Variants in COL5A2 observed in about 807,000 individuals in gnomAD.
The protein encoded by COL5A2 is collagen type V alpha 2 chain.
In COL5A2, 23 loss-of-function variants were observed where a neutral mutation model predicts 208.2. The ratio of observed to expected loss-of-function variants is 0.11; its 90% CI spans 0.08 to 0.16. The LOEUF (loss-of-function observed/expected upper bound fraction) is 0.16. COL5A2 is among the 10% of genes least tolerant of loss of function. The pLI, the probability that COL5A2 is intolerant of heterozygous loss-of-function variation, is 1.00. For missense variants in COL5A2, 1,590 were observed against 1,956.4 expected (o/e 0.81, Z 3.53); for synonymous variants, 625 against 628.5 (o/e 0.99, Z 0.08).
In COL5A2 at chr2:189,034,049, G is replaced by T. The variant is rs756726316; in HGVS notation, c.*21C>A. 1.2e-6 allele frequency: 2 copies of T among 1,613,664 alleles called. No homozygotes were observed. The highest frequency in any genetic ancestry group is 1.7e-6 in the Non-Finnish European group (2 of 1,179,812). On this transcript the variant is annotated 3_prime_UTR_variant, in exon 54 of 54. Transcript: ENST00000374866. ...GTGGTCATTGATGGTGGTGCTCATT[G>T]TCGATGTGTCTTGGCTTACTTTACA...
At chr2:189,075,890 C>G (rs1256948021) in intron 16 of COL5A2, among the ~76,000 whole-genome samples, 1 of 152,148 alleles carries the variant, frequency 6.6e-6, no homozygotes. Context: ...ATTCATCCTG[C>G]CAGCTGGAAA....
In COL5A2 at chr2:189,086,706, T is replaced by C; in HGVS notation, c.690+20A>G. ...TGTATGTTTTTCTTACAGCATGTAA[T>C]TAATTATAAAGAGACTTACTTGCTG... On this transcript the variant is annotated intron_variant, in intron 9 of 53. Coordinates refer to ENST00000374866, the MANE Select transcript of COL5A2 (RefSeq NM_000393.5). The C allele has an allele frequency of 6.4e-7, 1 of 1,555,724 alleles. No homozygotes were observed. Among genetic ancestry groups the C allele is most frequent in the South Asian group, 1.2e-5 (1 of 85,720 alleles).
intron 7 of COL5A2, among the ~76,000 whole-genome samples, chr2:189,090,565 G>A (rs750724627): frequency 6.6e-5 from 10 of 152,202 alleles, no homozygotes; most frequent in Non-Finnish European, 1.5e-4. Flanking sequence ...CATGTTTAGA[G>A]AGAAAAAGTC....
chr2:189,152,940 TA>T (rs891226338), intron 1 of COL5A2, among the ~76,000 whole-genome samples: 1 of 151,938 alleles, frequency 6.6e-6, no homozygotes, highest in Admixed American at 6.6e-5. Flanking sequence ...AACACGTGTT[TA>T]AAAAAAAGTT....
At chr2:189,279,646 GC>G in the COL5A2 span, among the ~76,000 whole-genome samples, 1 of 151,668 alleles carries the variant, frequency 6.6e-6, no homozygotes, top group African/African-American at 2.4e-5. Flanking sequence ...TATTTTTATA[GC>G]TAGAGTATTA....
At chr2:189,288,279 A>T in the COL5A2 span, among the ~76,000 whole-genome samples, 1 of 152,194 alleles carries the variant, frequency 6.6e-6, no homozygotes. Flanking sequence ...TTTCTCCTGC[A>T]CATTATAAAG....
the COL5A2 span, among the ~76,000 whole-genome samples, chr2:189,301,126 G>A: frequency 2.0e-4 from 31 of 152,046 alleles, no homozygotes; most frequent in African/African-American, 6.5e-4. Context: ...AGTAGAGGCT[G>A]CAGTGAGCCA....
chr2:189,217,517 G>A (rs1292369308), intron 1 of COL5A2, among the ~76,000 whole-genome samples: 4 of 152,100 alleles, frequency 2.6e-5, no homozygotes, highest in Non-Finnish European at 4.4e-5. Context: ...GTGTGTGTGT[G>A]TGTGGTTCAC....
At chr2:189,338,224 A>C in the COL5A2 span, among the ~76,000 whole-genome samples, 1 of 152,152 alleles carries the variant, frequency 6.6e-6, no homozygotes, top group Non-Finnish European at 1.5e-5. Context: ...AACTGCCTCC[A>C]GATCCCTGGC....
At chr2:189,261,296 C>G in the COL5A2 span, among the ~76,000 whole-genome samples, 1 of 152,118 alleles carries the variant, frequency 6.6e-6, no homozygotes, top group East Asian at 1.9e-4. Flanking sequence ...CAAAATGATT[C>G]TGATATCTAC....
chr2:189,395,898 CAAAAAAAAAAA>C, the COL5A2 span, among the ~76,000 whole-genome samples: 10 of 53,212 alleles, frequency 1.9e-4, no homozygotes, highest in East Asian at 2.6e-3. Flanking sequence ...GGACACATCT[CAAAAAAAAAAA>C]AAAAAAAAAA....
the COL5A2 span, among the ~76,000 whole-genome samples, chr2:189,411,008 G>A: frequency 1.4e-4 from 22 of 152,030 alleles, no homozygotes; most frequent in African/African-American, 5.1e-4. Context: ...TCTCAGCACC[G>A]AATTACTCCC....
In COL5A2 at chr2:189,041,783, G is replaced by A. The variant is rs373950131; in HGVS notation, c.3526-90C>T. The A allele has an allele frequency of 2.3e-5, 18 of 772,388 alleles. No individual in the cohort carries two copies. In the African/African-American group the frequency reaches 2.9e-4, roughly 13 times the overall value. The allele number at this position is 772,388 out of a possible 1,614,324, so 47.8% of individuals were successfully genotyped here. ...ATCAAAGAACTATTTTACATATGGA[G>A]CTGTAACAGTGATTTCTAAGATTCA... On this transcript the variant is annotated intron_variant, in intron 49 of 53. Transcript: ENST00000374866.
chr2:189,220,555 T>A (rs573897094), intron 1 of COL5A2, among the ~76,000 whole-genome samples: 1 of 151,998 alleles, frequency 6.6e-6, no homozygotes, highest in South Asian at 2.1e-4. Flanking sequence ...AAAAAGAAAA[T>A]TTTTAGTCTC....
upstream of COL5A2, among the ~76,000 whole-genome samples, chr2:189,182,072 G>T (rs1688788653): frequency 1.3e-5 from 2 of 152,064 alleles, no homozygotes; most frequent in Admixed American, 1.3e-4. Context: ...CTGGTTTTAG[G>T]GTCCCACATT....
chr2:189,421,817 A>ACAT, the COL5A2 span, among the ~76,000 whole-genome samples: 4,302 of 152,226 alleles, frequency 0.028, 198 homozygotes, highest in African/African-American at 0.098. Context: ...TGGGCTTCAC[A>ACAT]GTCTTAGCAA....
intron 1 of COL5A2, among the ~76,000 whole-genome samples, chr2:189,204,456 T>C (rs1034819896): frequency 1.3e-5 from 2 of 152,222 alleles, no homozygotes; most frequent in African/African-American, 2.4e-5. Context: ...ACCTCCGTTG[T>C]TTCTAAACTA....
In COL5A2 at chr2:189,165,897, G is replaced by A. The variant is rs141584364; in HGVS notation, c.97+13611C>T. ...CCTACTGCCTGTAGGCCTAGTTGAC[G>A]GAATATGTGCTTTTAGCCGAAAGAA... On this transcript the variant is annotated intron_variant, in intron 1 of 53. Transcript: ENST00000374866. Among the ~76,000 whole-genome samples, 15 of 152,270 alleles carry A rather than the reference G, an allele frequency of 9.9e-5. No individual in the cohort carries two copies. In the East Asian group the frequency reaches 1.7e-3, roughly 18 times the overall value.
At chr2:189,214,612 C>T (rs534357823) in intron 1 of COL5A2, among the ~76,000 whole-genome samples, 2 of 151,900 alleles carry the variant, frequency 1.3e-5, no homozygotes, top group Admixed American at 1.3e-4. Context: ...TGTGGATTAC[C>T]TGTGTAATTT....
Sources: gnomAD v4.1 joint callset for allele counts (sites outside exome capture counted in the v4.1 genomes callset) on GRCh38, gnomAD v4.1.1 for gene constraint, MANE v1.5 for transcripts, NCBI Gene and HGNC (gene_info 2026-07-23, HGNC 2026-07-21) for gene names.